The following ARHGAP42 variants were observed in gnomAD, a reference collection of about 807,000 sequenced individuals.
ARHGAP42 encodes the protein rho GTPase-activating protein 42.
ARHGAP42 carries 63 observed loss-of-function variants against 125.0 expected under a neutral mutation model. The observed-to-expected ratio is 0.50, with a 90% CI of 0.41 to 0.62. The LOEUF (loss-of-function observed/expected upper bound fraction) is 0.62, where lower values mean the gene tolerates loss of function less well. ARHGAP42 is among the 20% of genes least tolerant of loss of function. The probability of loss-of-function intolerance (pLI) is 0.00; values close to 1 mark genes in which losing one functional copy is unlikely to be tolerated. For synonymous variants in ARHGAP42, 339 were observed against 351.0 expected, an observed-to-expected ratio of 0.97 and a Z score of 0.38; for missense variants, 766 against 1,024.2, an observed-to-expected ratio of 0.75 and a Z score of 3.44.
At chr11:100,860,931 A>G (rs905335976) in intron 4 of ARHGAP42, among the ~76,000 whole-genome samples, 1 of 152,216 alleles carries the variant, frequency 6.6e-6, no homozygotes, top group African/African-American at 2.4e-5. Flanking sequence ...CGTGACATGC[A>G]TGGTGTTTGA....
At chr11:100,843,892 CA>C (rs1865000730) in intron 3 of ARHGAP42, among the ~76,000 whole-genome samples, 1 of 152,066 alleles carries the variant, frequency 6.6e-6, no homozygotes, top group South Asian at 2.1e-4. Context: ...TCTACAAATT[CA>C]GTGCAATTCC....
At chr11:100,725,088 A>C (rs982080134) in intron 1 of ARHGAP42, among the ~76,000 whole-genome samples, 6 of 151,946 alleles carry the variant, frequency 3.9e-5, no homozygotes, top group African/African-American at 1.5e-4. Flanking sequence ...TTTTGAAGTA[A>C]GTTATTTAAT....
intron 3 of ARHGAP42, among the ~76,000 whole-genome samples, chr11:100,828,833 G>A (rs934202695): frequency 1.6e-4 from 24 of 152,052 alleles, no homozygotes; most frequent in South Asian, 6.3e-4. Context: ...GATTACAGGC[G>A]GAAGCCACCA....
chr11:100,791,502 T>G (rs1863567702), intron 2 of ARHGAP42, among the ~76,000 whole-genome samples: 1 of 152,290 alleles, frequency 6.6e-6, no homozygotes, highest in East Asian at 1.9e-4. Context: ...CTTAAAAAGT[T>G]AGGCCACTGT....
At chr11:100,973,102 A>G in intron 17 of ARHGAP42, 73 bp from the exon 18 acceptor site, 2 of 1,338,110 alleles carry the variant, frequency 1.5e-6, no homozygotes, top group South Asian at 3.2e-5. Context: ...TGCACCACAA[A>G]TTTGATAGAA....
chr11:100,788,737 A>G (rs1278751805), intron 2 of ARHGAP42, among the ~76,000 whole-genome samples: 2 of 152,162 alleles, frequency 1.3e-5, no homozygotes, highest in Non-Finnish European at 2.9e-5. Flanking sequence ...TGTCACTTTT[A>G]ATAAAACTCA....
At chr11:100,795,878 C>T (rs371056903) in intron 3 of ARHGAP42, among the ~76,000 whole-genome samples, 3 of 152,204 alleles carry the variant, frequency 2.0e-5, no homozygotes, top group South Asian at 2.1e-4. Flanking sequence ...ATGGTGATAA[C>T]GATGCTGATA....
chr11:100,920,788 C>A (rs1172782711), intron 5 of ARHGAP42, among the ~76,000 whole-genome samples: 1 of 152,070 alleles, frequency 6.6e-6, no homozygotes, highest in Non-Finnish European at 1.5e-5. Context: ...AAGCATGATT[C>A]ATCAGTTTAG....
At chr11:100,816,321 G>GA (rs1555004421) in intron 3 of ARHGAP42, among the ~76,000 whole-genome samples, 1 of 150,240 alleles carries the variant, frequency 6.7e-6, no homozygotes, top group Non-Finnish European at 1.5e-5. Context: ...TTGTTTTTTT[G>GA]TTTTTTTTTG....
At chr11:100,698,168 G>T (rs1270662702) in intron 1 of ARHGAP42, among the ~76,000 whole-genome samples, 1 of 152,134 alleles carries the variant, frequency 6.6e-6, no homozygotes, top group Non-Finnish European at 1.5e-5. Context: ...TGAGATTACA[G>T]GCATGAACCA....
intron 4 of ARHGAP42, among the ~76,000 whole-genome samples, chr11:100,896,551 T>C (rs2165664): frequency 0.28 from 42,205 of 152,094 alleles, 7,225 homozygotes; most frequent in East Asian, 0.75. Context: ...TGAGGTGATA[T>C]CTCATTGTGC....
intron 4 of ARHGAP42, among the ~76,000 whole-genome samples, chr11:100,900,901 A>G (rs1330066956): frequency 1.3e-5 from 2 of 152,128 alleles, no homozygotes; most frequent in African/African-American, 2.4e-5. Flanking sequence ...CAACTCGTCA[A>G]AATCATTCTC....
chr11:100,916,504 GGTTA>G (rs1867069979), intron 5 of ARHGAP42, among the ~76,000 whole-genome samples: 1 of 152,014 alleles, frequency 6.6e-6, no homozygotes, highest in South Asian at 2.1e-4. Context: ...TAATAAAAGT[GGTTA>G]GTTTCAGTGT....
chr11:100,959,816 A>C, intron 12 of ARHGAP42, 67 bp from the exon 13 acceptor site: 2 of 1,432,264 alleles, frequency 1.4e-6, no homozygotes, highest in Non-Finnish European at 1.9e-6. Context: ...CCCAGTGAAC[A>C]GAGCCAACTG....
chr11:100,834,412 T>TA (rs1395898366), intron 3 of ARHGAP42, among the ~76,000 whole-genome samples: 1 of 152,082 alleles, frequency 6.6e-6, no homozygotes, highest in African/African-American at 2.4e-5. Flanking sequence ...AAATTAGACT[T>TA]ATAGAGGTCA....
At chr11:100,955,666 T>C (rs1453693462) in intron 12 of ARHGAP42, among the ~76,000 whole-genome samples, 1 of 152,080 alleles carries the variant, frequency 6.6e-6, no homozygotes, top group Non-Finnish European at 1.5e-5. Context: ...CCTCCTCTCC[T>C]TGCTGTTGCC....
intron 4 of ARHGAP42, among the ~76,000 whole-genome samples, chr11:100,886,773 G>A (rs1273037718): frequency 6.6e-6 from 1 of 152,196 alleles, no homozygotes; most frequent in Non-Finnish European, 1.5e-5. Context: ...ATGTTTGCAA[G>A]ATTCCAATAG....
rs116827151 is a variant in ARHGAP42, at chr11:100,901,286, C to T, written c.385-12166C>T. 3.4e-3 allele frequency among the ~76,000 whole-genome samples: 518 copies of T among 152,274 alleles called. 5 individuals are homozygous for T. Among genetic ancestry groups the T allele is most frequent in the African/African-American group, 0.012 (482 of 41,562 alleles). The stretch of plus-strand genomic sequence containing the variant: ...TGCCTGATCCTTCCTCTGCAAGCTT[C>T]GTTCCAGAGGGGCACATGCCTATAT... On this transcript the variant is annotated intron_variant, in intron 4 of 23. Transcript: ENST00000298815.
intron 5 of ARHGAP42, among the ~76,000 whole-genome samples, chr11:100,917,302 T>C (rs933419408): frequency 6.6e-6 from 1 of 152,180 alleles, no homozygotes; most frequent in African/African-American, 2.4e-5. Flanking sequence ...GGCATAGTTC[T>C]TAATATCTCT....
Sources: allele counts gnomAD v4.1 joint callset (sites outside exome capture counted in the v4.1 genomes callset), GRCh38; gene constraint gnomAD v4.1.1; transcripts MANE v1.5; gene names NCBI Gene and HGNC (gene_info 2026-07-23, HGNC 2026-07-21).